Variants in CHRM2 observed in about 807,000 individuals in gnomAD.
CHRM2 encodes the protein muscarinic acetylcholine receptor M2.
In CHRM2, 8 loss-of-function variants were observed where a neutral mutation model predicts 25.0. The ratio of observed to expected loss-of-function variants is 0.32; its 90% CI spans 0.19 to 0.58. CHRM2 has a LOEUF of 0.58. Among genes scored for constraint, CHRM2 ranks in the 20% least tolerant of loss-of-function variants. CHRM2 has a pLI of 0.88. For missense variants in CHRM2, 440 were observed against 567.1 expected (o/e 0.78, Z 2.28); for synonymous variants, 202 against 205.7 (o/e 0.98, Z 0.15).
chr7:136,884,356 G>A (rs573876599), intron 2 of CHRM2, among the ~76,000 whole-genome samples: 2 of 152,202 alleles, frequency 1.3e-5, no homozygotes, highest in South Asian at 2.1e-4. Context: ...TTAGAAAGCT[G>A]TATTTTGATG....
At chr7:136,879,120 G>C (rs999461004) in intron 2 of CHRM2, among the ~76,000 whole-genome samples, 2 of 151,860 alleles carry the variant, frequency 1.3e-5, no homozygotes, top group African/African-American at 4.8e-5. Flanking sequence ...TAGTTCCCTG[G>C]GAGCTCTTTC....
At chr7:136,896,185 C>T (rs928148331) in intron 2 of CHRM2, among the ~76,000 whole-genome samples, 1 of 152,058 alleles carries the variant, frequency 6.6e-6, no homozygotes, top group African/African-American at 2.4e-5. Context: ...GCTCCAGTCT[C>T]CTCATCTGAA....
intron 2 of CHRM2, among the ~76,000 whole-genome samples, chr7:136,885,900 G>C (rs545540569): frequency 6.6e-6 from 1 of 152,190 alleles, no homozygotes; most frequent in East Asian, 1.9e-4. Flanking sequence ...CCAACACATA[G>C]GAATGGAACA....
At chr7:136,980,223 C>T (rs1802393267) in intron 2 of CHRM2, among the ~76,000 whole-genome samples, 1 of 152,136 alleles carries the variant, frequency 6.6e-6, no homozygotes, top group Non-Finnish European at 1.5e-5. Flanking sequence ...AATGGGAGTT[C>T]ACTCATGATT....
chr7:137,010,300 A>G (rs1439001087), intron 3 of CHRM2, among the ~76,000 whole-genome samples: 1 of 152,028 alleles, frequency 6.6e-6, no homozygotes, highest in Admixed American at 6.6e-5. Context: ...GGGCAGAAAC[A>G]TTGTCTTATA....
In CHRM2 at chr7:137,014,492, T is replaced by C. The variant is rs17168883; in HGVS notation, c.-46-328T>C. ...GTGTTGTTTGTAATTTTGGTTTATT[T>C]AATTCAATTTATCAGTATTATGCTA... On this transcript the variant is annotated intron_variant, in intron 3 of 3. Coordinates refer to ENST00000680005, the MANE Select transcript of CHRM2 (RefSeq NM_001006630.2). Among the ~76,000 whole-genome samples the C allele has an allele frequency of 0.015, 2,342 of 152,162 alleles. 29 individuals are homozygous for C. The highest frequency in any genetic ancestry group is 0.021 in the Non-Finnish European group (1,396 of 67,958).
chr7:136,896,777 G>T (rs1382646480), intron 2 of CHRM2, among the ~76,000 whole-genome samples: 1 of 152,046 alleles, frequency 6.6e-6, no homozygotes, highest in Non-Finnish European at 1.5e-5. Context: ...GGGGAAGGGT[G>T]GTGGAGATGT....
At chr7:136,981,728 G>A (rs993437732) in intron 2 of CHRM2, among the ~76,000 whole-genome samples, 1 of 152,086 alleles carries the variant, frequency 6.6e-6, no homozygotes, top group Non-Finnish European at 1.5e-5. Flanking sequence ...TCAGGAGTAG[G>A]TTGTTCAGTT....
intron 3 of CHRM2, among the ~76,000 whole-genome samples, chr7:137,003,724 T>C (rs184879882): frequency 5.7e-4 from 87 of 152,132 alleles, no homozygotes; most frequent in African/African-American, 2.0e-3. Flanking sequence ...CTGATAGTAG[T>C]ATAATTGTTG....
At chr7:136,874,842 G>C (rs927842982) in intron 2 of CHRM2, among the ~76,000 whole-genome samples, 2 of 151,138 alleles carry the variant, frequency 1.3e-5, no homozygotes, top group Admixed American at 6.6e-5. Context: ...CAAAGGGGTG[G>C]GAAGGATATT....
At position 136,877,269 on chromosome 7, in the gene CHRM2, T is replaced by C. The variant is rs557416507; in HGVS notation, c.-125+7851T>C. On this transcript the variant is annotated intron_variant, in intron 2 of 3. Coordinates refer to ENST00000680005, the MANE Select transcript of CHRM2 (RefSeq NM_001006630.2). Reference sequence around the variant, plus strand: ...GAATAACGGTTCAGGAAGACAGCTATAGATTAAGAAGCACATCTTTCAATG... The same window carrying C: ...GAATAACGGTTCAGGAAGACAGCTACAGATTAAGAAGCACATCTTTCAATG... 7.2e-4 allele frequency among the ~76,000 whole-genome samples: 110 copies of C among 152,176 alleles called. 4 individuals carry two copies. Among genetic ancestry groups the C allele is most frequent in the South Asian group, 4.1e-3 (20 of 4,822 alleles).
chr7:136,910,830 T>TGTGA (rs377403672), intron 2 of CHRM2, among the ~76,000 whole-genome samples: 15,953 of 149,406 alleles, frequency 0.11, 1,478 homozygotes, highest in African/African-American at 0.26. Flanking sequence ...TGTGTGTGTG[T>TGTGA]GAGAGAGAGA....
intron 2 of CHRM2, among the ~76,000 whole-genome samples, chr7:136,984,993 C>T (rs1045365640): frequency 2.0e-5 from 3 of 152,082 alleles, no homozygotes; most frequent in African/African-American, 7.2e-5. Context: ...ACTTATTTGA[C>T]AGTAGAATGG....
chr7:137,015,694 G>A lies in CHRM2; in HGVS notation c.829G>A (p.Gly277Arg). The change falls in exon 4 of 4, where the codon GGA becomes AGA. Residue 277 changes from glycine (G) to arginine (R), a missense_variant. Gly to Arg is a moderately radical substitution (Grantham distance 125, BLOSUM62 -2). Transcript: ENST00000680005. This position sits in a 1 kb window ranked among gnomAD's most constrained non-coding sequence, Gnocchi z 5.1. ...RDPVTENCVQ[G>R]EEKESSNDST... Reference sequence around the variant, plus strand: ...TCCTGTGACTGAAAACTGTGTTCAGGGAGAGGAGAAGGAGAGCTCCAATGA... The same window carrying A: ...TCCTGTGACTGAAAACTGTGTTCAGAGAGAGGAGAAGGAGAGCTCCAATGA... 3 of 1,613,180 alleles carry A rather than the reference G, an allele frequency of 1.9e-6. No individual in the cohort carries two copies. Among genetic ancestry groups the A allele is most frequent in the Non-Finnish European group, 2.5e-6 (3 of 1,179,566 alleles).
chr7:136,884,500 G>A (rs1038906638), intron 2 of CHRM2, among the ~76,000 whole-genome samples: 1 of 147,134 alleles, frequency 6.8e-6, no homozygotes, highest in African/African-American at 2.5e-5. Context: ...TTTTTTTTTG[G>A]TTGTCTTTTT....
At chr7:136,947,997 T>G (rs768377786) in intron 2 of CHRM2, among the ~76,000 whole-genome samples, 4 of 152,124 alleles carry the variant, frequency 2.6e-5, no homozygotes, top group Non-Finnish European at 5.9e-5. Context: ...AGAGATGACT[T>G]CTGGTGGGGC....
intron 2 of CHRM2, among the ~76,000 whole-genome samples, chr7:136,930,199 G>A (rs761942317): frequency 2.8e-4 from 42 of 151,730 alleles, no homozygotes; most frequent in Admixed American, 7.9e-4. Context: ...TTGGGAAGCC[G>A]ACGTGGGCAG....
chr7:136,976,211 T>C lies in CHRM2; in HGVS notation c.-124-15976T>C, dbSNP rs535308396. ...GGATTTTAAACTAAATATTAAAGAA[T>C]TGTGGCCTATGAAGTATTGCATGAC... On this transcript the variant is annotated intron_variant, in intron 2 of 3. Coordinates refer to ENST00000680005, the MANE Select transcript of CHRM2 (RefSeq NM_001006630.2). Among the ~76,000 whole-genome samples, 9 of 152,212 alleles carry C rather than the reference T, an allele frequency of 5.9e-5. No individual in the cohort carries two copies. In the East Asian group the frequency reaches 1.7e-3, roughly 29 times the overall value.
chr7:136,902,381 A>G (rs1321704477), intron 2 of CHRM2: 2 of 152,184 alleles, frequency 1.3e-5, no homozygotes, highest in Non-Finnish European at 2.9e-5. Context: ...CAAATTCATA[A>G]TAAGTGAGAA....
Sources: allele counts gnomAD v4.1 joint callset (sites outside exome capture counted in the v4.1 genomes callset), GRCh38; gene constraint gnomAD v4.1.1; non-coding constraint Gnocchi (gnomAD v3.1); transcripts MANE v1.5; gene names NCBI Gene and HGNC (gene_info 2026-07-23, HGNC 2026-07-21).